B3GALT1: variants seen among roughly 807,000 people sequenced by gnomAD.
B3GALT1 encodes the protein beta-1,3-galactosyltransferase 1.
In B3GALT1, 10 loss-of-function variants were observed where a neutral mutation model predicts 23.2. That is an observed-to-expected ratio of 0.43 (90% CI 0.27 to 0.73). B3GALT1 has a LOEUF of 0.73. Among genes scored for constraint, B3GALT1 ranks in the 30% least tolerant of loss-of-function variants. The pLI is 0.21. For missense variants in B3GALT1, 299 were observed against 405.4 expected (o/e 0.74, Z 2.25); for synonymous variants, 156 against 141.5 (o/e 1.10, Z -0.73).
At position 167,873,147 on chromosome 2, in the gene B3GALT1, T is replaced by C. The variant is rs1029346212; in HGVS notation, c.*3127T>C. 1 of 151,760 alleles carries C rather than the reference T, an allele frequency of 6.6e-6. No individual in the cohort carries two copies. Among genetic ancestry groups the C allele is most frequent in the Non-Finnish European group, 1.5e-5 (1 of 68,038 alleles). The allele number at this position is 151,760 out of a possible 1,614,324, so 9.4% of individuals were successfully genotyped here. A position where few individuals can be genotyped will look rare whatever the true frequency, so the allele number is the denominator to read the frequency against. On this transcript the variant is annotated 3_prime_UTR_variant, in exon 5 of 5. Coordinates refer to ENST00000392690, the MANE Select transcript of B3GALT1 (RefSeq NM_020981.4). ...TTTAGACAGTATTCTACCAAGAGTCTCTCAGACAATTTTTACAAAAACTCT... is the reference window on the plus strand; with the variant it reads ...TTTAGACAGTATTCTACCAAGAGTCCCTCAGACAATTTTTACAAAAACTCT...
chr2:167,440,406 T>C (rs1018728794), intron 1 of B3GALT1, among the ~76,000 whole-genome samples: 72 of 151,730 alleles, frequency 4.7e-4, no homozygotes, highest in African/African-American at 1.7e-3. Flanking sequence ...ATTTTGAAAC[T>C]TTAAATACAT....
chr2:167,525,862 C>A (rs1345192199), intron 2 of B3GALT1, among the ~76,000 whole-genome samples: 1 of 151,780 alleles, frequency 6.6e-6, no homozygotes, highest in African/African-American at 2.4e-5. Context: ...CTTAAGTGAT[C>A]CTCCTGCCTT....
At chr2:167,585,106 T>A (rs972238929) in intron 2 of B3GALT1, among the ~76,000 whole-genome samples, 1 of 152,184 alleles carries the variant, frequency 6.6e-6, no homozygotes, top group Non-Finnish European at 1.5e-5. Context: ...AGTCATCTTA[T>A]TAACAGGCAA....
intron 2 of B3GALT1, among the ~76,000 whole-genome samples, chr2:167,565,680 A>G (rs75734998): frequency 6.6e-6 from 1 of 152,236 alleles, no homozygotes; most frequent in African/African-American, 2.4e-5. Context: ...AACCCCATCA[A>G]AAAGTGGGCA....
intron 2 of B3GALT1, among the ~76,000 whole-genome samples, chr2:167,592,157 A>G (rs1284977546): frequency 6.6e-6 from 1 of 152,194 alleles, no homozygotes; most frequent in Non-Finnish European, 1.5e-5. Flanking sequence ...GATGTCAACT[A>G]TGTACTTAAA....
Position 167,474,449 on chromosome 2 carries a change from C to T in B3GALT1, c.-510-15728C>T, listed in dbSNP as rs564156047. ...TTAACATCACTTCATTCCTGTGAAA[C>T]GGGTTGTATTGTCTCTGGTCTGTAT... On this transcript the variant is annotated intron_variant, in intron 1 of 4. Coordinates refer to ENST00000392690, the MANE Select transcript of B3GALT1 (RefSeq NM_020981.4). 5.3e-5 allele frequency among the ~76,000 whole-genome samples: 8 copies of T among 152,182 alleles called. No individual in the cohort carries two copies. In the South Asian group the frequency reaches 8.3e-4, roughly 16 times the overall value.
chr2:167,686,185 C>A (rs897302379), intron 3 of B3GALT1, among the ~76,000 whole-genome samples: 1 of 152,124 alleles, frequency 6.6e-6, no homozygotes, highest in Non-Finnish European at 1.5e-5. Flanking sequence ...TTAATAAAAT[C>A]TTTTAATACT....
intron 4 of B3GALT1, among the ~76,000 whole-genome samples, chr2:167,859,999 C>G (rs777416590): frequency 3.3e-5 from 5 of 152,152 alleles, no homozygotes; most frequent in Non-Finnish European, 5.9e-5. Context: ...GGACCATTAT[C>G]TAGTGCTAAT....
intron 4 of B3GALT1, among the ~76,000 whole-genome samples, chr2:167,822,588 T>G (rs1240625072): frequency 6.6e-6 from 1 of 152,194 alleles, no homozygotes; most frequent in Non-Finnish European, 1.5e-5. Flanking sequence ...CACTTGACTC[T>G]GAGTTGCCTA....
At chr2:167,398,624 T>C (rs1698138174) in intron 1 of B3GALT1, among the ~76,000 whole-genome samples, 1 of 152,138 alleles carries the variant, frequency 6.6e-6, no homozygotes, top group Non-Finnish European at 1.5e-5. Flanking sequence ...CATTTTAAAG[T>C]GTTAACAGTT....
chr2:167,418,007 GA>G (rs1466368990), intron 1 of B3GALT1, among the ~76,000 whole-genome samples: 3 of 152,234 alleles, frequency 2.0e-5, no homozygotes, highest in Admixed American at 1.3e-4. Flanking sequence ...CTGCAGCTTA[GA>G]AGAGTTTCTT....
At chr2:167,457,196 G>A (rs562506273) in intron 1 of B3GALT1, among the ~76,000 whole-genome samples, 3 of 151,904 alleles carry the variant, frequency 2.0e-5, no homozygotes, top group East Asian at 2.0e-4. Flanking sequence ...TTTTTGAGAC[G>A]GAGTCTTACT....
At chr2:167,596,669 A>AT (rs34990426) in intron 2 of B3GALT1, among the ~76,000 whole-genome samples, 10,496 of 151,496 alleles carry the variant, frequency 0.069, 706 homozygotes, top group African/African-American at 0.17. Context: ...AAAATAGAGG[A>AT]TTTTTTTTTG....
At chr2:167,822,458 A>C (rs1404314112) in intron 4 of B3GALT1, among the ~76,000 whole-genome samples, 1 of 152,070 alleles carries the variant, frequency 6.6e-6, no homozygotes, top group Admixed American at 6.5e-5. Context: ...TAATTATTTC[A>C]TATCTTCACA....
chr2:167,560,060 G>A (rs1349113528), intron 2 of B3GALT1, among the ~76,000 whole-genome samples: 1 of 152,222 alleles, frequency 6.6e-6, no homozygotes, highest in Non-Finnish European at 1.5e-5. Context: ...AGAGAGAAAG[G>A]TCAGGTTACC....
chr2:167,767,147 G>C (rs1687992034), intron 3 of B3GALT1, among the ~76,000 whole-genome samples: 1 of 152,200 alleles, frequency 6.6e-6, no homozygotes, highest in Non-Finnish European at 1.5e-5. Flanking sequence ...CAAGTGGAAA[G>C]TTTGTTCAAT....
At chr2:167,371,555 A>G (rs181679444) in intron 1 of B3GALT1, among the ~76,000 whole-genome samples, 209 of 152,274 alleles carry the variant, frequency 1.4e-3, no homozygotes, top group African/African-American at 4.7e-3. Context: ...AATTTATTCA[A>G]ACTTTGGGTA....
rs140447901 is a variant in B3GALT1, at chr2:167,675,282, T to C, written c.-352+28316T>C. On this transcript the variant is annotated intron_variant, in intron 3 of 4. Coordinates refer to ENST00000392690, the MANE Select transcript of B3GALT1 (RefSeq NM_020981.4). ...TGGTCTGAAAACAGTTTTATGTTACTTTGTCACATTGGCTCTCAACGCTGT... is the reference window on the plus strand; with the variant it reads ...TGGTCTGAAAACAGTTTTATGTTACCTTGTCACATTGGCTCTCAACGCTGT... 1.7e-3 allele frequency among the ~76,000 whole-genome samples: 255 copies of C among 152,336 alleles called. 1 individual carries two copies. The highest frequency in any genetic ancestry group is 5.8e-3 in the African/African-American group (240 of 41,582).
At chr2:167,601,502 C>A (rs980559987) in intron 2 of B3GALT1, among the ~76,000 whole-genome samples, 12 of 152,190 alleles carry the variant, frequency 7.9e-5, no homozygotes, top group African/African-American at 2.7e-4. Flanking sequence ...GCTCTAATAT[C>A]TCCATTACAT....
Sources: allele counts gnomAD v4.1 joint callset (sites outside exome capture counted in the v4.1 genomes callset), GRCh38; gene constraint gnomAD v4.1.1; transcripts MANE v1.5; gene names NCBI Gene and HGNC (gene_info 2026-07-23, HGNC 2026-07-21).